Variants in MTHFD1L observed in about 807,000 individuals in gnomAD.
The protein encoded by MTHFD1L is methylenetetrahydrofolate dehydrogenase (NADP+ dependent) 1 like.
In MTHFD1L, 81 loss-of-function variants were observed where a neutral mutation model predicts 119.5. That is an observed-to-expected ratio of 0.68 (90% CI 0.57 to 0.82). The LOEUF is 0.82. Among genes scored for constraint, MTHFD1L ranks in the 40% least tolerant of loss-of-function variants. The pLI, the probability that MTHFD1L is intolerant of heterozygous loss-of-function variation, is 0.00. For missense variants in MTHFD1L, 1,125 were observed against 1,253.4 expected, an observed-to-expected ratio of 0.90 and a Z score of 1.55; for synonymous variants, 430 against 475.2, an observed-to-expected ratio of 0.90 and a Z score of 1.24.
chr6:150,948,704 G>C (rs920462983), intron 15 of MTHFD1L, among the ~76,000 whole-genome samples: 2 of 151,200 alleles, frequency 1.3e-5, no homozygotes, highest in Admixed American at 6.6e-5. Flanking sequence ...GCAATGGCAC[G>C]ATTTTGGCTC....
intron 26 of MTHFD1L, among the ~76,000 whole-genome samples, chr6:151,073,160 A>T (rs1466667925): frequency 6.6e-6 from 1 of 152,238 alleles, no homozygotes; most frequent in African/African-American, 2.4e-5. Context: ...AAACCAAGGC[A>T]GCTAGTTTGC....
chr6:150,987,672 C>T (rs898545029), intron 20 of MTHFD1L, among the ~76,000 whole-genome samples: 9 of 152,152 alleles, frequency 5.9e-5, no homozygotes, highest in South Asian at 2.1e-4. Context: ...CTTTTACCAC[C>T]GTGCTTTGCC....
In MTHFD1L at chr6:151,054,281, A is replaced by G. The variant is rs577461951; in HGVS notation, c.2847+17164A>G. 3.9e-5 allele frequency among the ~76,000 whole-genome samples: 6 copies of G among 152,340 alleles called. No individual in the cohort carries two copies. The South Asian group carries it at 1.2e-3, about 32-fold the overall frequency. On this transcript the variant is annotated intron_variant, in intron 26 of 27. Transcript: ENST00000367321. ...AAGAACAGAAGGTTTCATGAAGAGTAATAAAGTTAAGTTTATGAATTAGAG... is the reference window on the plus strand; with the variant it reads ...AAGAACAGAAGGTTTCATGAAGAGTGATAAAGTTAAGTTTATGAATTAGAG...
At chr6:150,920,625 G>T (rs1427954813) in intron 9 of MTHFD1L, among the ~76,000 whole-genome samples, 1 of 152,116 alleles carries the variant, frequency 6.6e-6, no homozygotes. Flanking sequence ...ACTATGGAAG[G>T]ATGGTATTTG....
At chr6:150,914,935 T>G (rs1388484712) in intron 8 of MTHFD1L, among the ~76,000 whole-genome samples, 1 of 152,204 alleles carries the variant, frequency 6.6e-6, no homozygotes, top group East Asian at 1.9e-4. Flanking sequence ...ATTTCTCAAA[T>G]GTCATTCATG....
chr6:150,994,064 TAAAA>T (rs746589557), intron 20 of MTHFD1L, among the ~76,000 whole-genome samples: 7 of 74,256 alleles, frequency 9.4e-5, no homozygotes, highest in African/African-American at 2.3e-4. Context: ...ACAACAACAG[TAAAA>T]AAAAAAAAAA....
chr6:151,069,833 G>A (rs1242927121), intron 26 of MTHFD1L, among the ~76,000 whole-genome samples: 2 of 152,112 alleles, frequency 1.3e-5, no homozygotes, highest in Non-Finnish European at 1.5e-5. Context: ...CAGAGTTCTC[G>A]GATTATAGAT....
At chr6:150,905,317 C>T (rs1785728391) in intron 7 of MTHFD1L, among the ~76,000 whole-genome samples, 1 of 152,100 alleles carries the variant, frequency 6.6e-6, no homozygotes, top group Non-Finnish European at 1.5e-5. Flanking sequence ...CAGGTGTGAG[C>T]CACTATGCCC....
chr6:150,949,301 C>T (rs889774078), intron 16 of MTHFD1L, among the ~76,000 whole-genome samples, 168 bp downstream of exon 16: 1 of 152,154 alleles, frequency 6.6e-6, no homozygotes, highest in African/African-American at 2.4e-5. Context: ...ACCACCCTCC[C>T]TTATCCTTGC....
At chr6:150,895,189 A>G (rs1005980819) in intron 7 of MTHFD1L, among the ~76,000 whole-genome samples, 3 of 152,214 alleles carry the variant, frequency 2.0e-5, no homozygotes, top group African/African-American at 7.2e-5. Flanking sequence ...ACTCTCAGGA[A>G]TGAGCCTAGA....
rs1780695035 is a variant in MTHFD1L, at chr6:150,877,788, A to G, written c.379A>G (p.Thr127Ala). 6.2e-7 allele frequency: 1 copy of G among 1,614,164 alleles called. No homozygotes were observed. Among genetic ancestry groups the G allele is most frequent in the South Asian group, 1.1e-5 (1 of 91,076 alleles). The change falls in exon 4 of 28, where the codon ACT becomes GCT. Residue 127 changes from threonine to alanine, a missense_variant. Transcript: ENST00000367321. ...NLAEEAGLNITHICLPPDSSE... is the reference protein window; with the variant it reads ...NLAEEAGLNIAHICLPPDSSE... ...CCTTTTTCAGGCTGGTCTGAACATC[A>G]CTCACATTTGCCTCCCTCCAGATAG...
At chr6:150,912,686 G>A (rs749819635) in intron 8 of MTHFD1L, 2 of 513,968 alleles carry the variant, frequency 3.9e-6, no homozygotes, top group South Asian at 1.5e-5. Flanking sequence ...ATTATCATTA[G>A]AAGAATGGCC....
At chr6:151,035,791 T>C (rs1786077016) in intron 25 of MTHFD1L, among the ~76,000 whole-genome samples, 1 of 152,210 alleles carries the variant, frequency 6.6e-6, no homozygotes, top group Middle Eastern at 3.2e-3. Flanking sequence ...TGAGAGTATA[T>C]GGCATATTGG....
intron 19 of MTHFD1L, among the ~76,000 whole-genome samples, chr6:150,969,144 G>A (rs980254784): frequency 3.4e-5 from 5 of 148,632 alleles, no homozygotes; most frequent in African/African-American, 1.3e-4. Context: ...ACCACGCCCA[G>A]CAAATTTTTG....
intron 11 of MTHFD1L, among the ~76,000 whole-genome samples, chr6:150,933,916 C>A (rs1034970838): frequency 6.6e-6 from 1 of 152,156 alleles, no homozygotes; most frequent in Non-Finnish European, 1.5e-5. Flanking sequence ...TGCACACAGC[C>A]GGGTTCTCTT....
intron 26 of MTHFD1L, among the ~76,000 whole-genome samples, chr6:151,083,572 TG>T (rs1334857595): frequency 6.6e-6 from 1 of 152,162 alleles, no homozygotes; most frequent in Non-Finnish European, 1.5e-5. Flanking sequence ...AGCATATAAG[TG>T]ACAGAGAAAC....
chr6:151,012,000 T>TCAA (rs773521876), intron 21 of MTHFD1L, among the ~76,000 whole-genome samples: 801 of 63,712 alleles, frequency 0.013, 59 homozygotes, highest in East Asian at 0.034. Context: ...AAAGTCCATC[T>TCAA]CAACAACAAC....
intron 20 of MTHFD1L, among the ~76,000 whole-genome samples, chr6:150,980,947 G>T (rs1340091895): frequency 6.6e-6 from 1 of 151,792 alleles, no homozygotes; most frequent in Non-Finnish European, 1.5e-5. Flanking sequence ...ACCATTAATG[G>T]CCCAGCAATT....
intron 13 of MTHFD1L, among the ~76,000 whole-genome samples, chr6:150,939,875 G>T (rs1437563125): frequency 6.6e-6 from 1 of 151,856 alleles, no homozygotes; most frequent in African/African-American, 2.4e-5. Context: ...AGTAGAGACG[G>T]GGTTTCACCA....
Sources: allele counts gnomAD v4.1 joint callset (sites outside exome capture counted in the v4.1 genomes callset), GRCh38; gene constraint gnomAD v4.1.1; transcripts MANE v1.5; gene names NCBI Gene and HGNC (gene_info 2026-07-23, HGNC 2026-07-21).